The following PHIP variants were observed in gnomAD, a reference collection of about 807,000 sequenced individuals.
PHIP encodes PH-interacting protein.
Under a neutral mutation model 236.8 loss-of-function variants are expected in PHIP, and 54 were observed. That is an observed-to-expected ratio of 0.23 (90% CI 0.18 to 0.29). The LOEUF (loss-of-function observed/expected upper bound fraction) is 0.29. Among genes scored for constraint, PHIP ranks in the 10% least tolerant of loss-of-function variants. The pLI is 1.00. For synonymous variants in PHIP, 756 were observed against 718.9 expected, an observed-to-expected ratio of 1.05 and a Z score of -0.83; for missense variants, 1,370 against 2,190.8, an observed-to-expected ratio of 0.63 and a Z score of 7.48.
intron 35 of PHIP, 45 bp downstream of exon 35, chr6:78,954,769 T>A: frequency 3.2e-6 from 4 of 1,245,464 alleles, no homozygotes; most frequent in Non-Finnish European, 4.5e-6. Flanking sequence ...GTAAAAGGTA[T>A]GTAGCAAACT....
intron 27 of PHIP, among the ~76,000 whole-genome samples, chr6:78,968,489 G>A (rs899757267): frequency 6.6e-5 from 10 of 152,174 alleles, no homozygotes; most frequent in South Asian, 4.1e-4. Flanking sequence ...TTTTCACATC[G>A]GGGGGTTCCG....
At chr6:79,018,191 C>A (rs1770928174) in intron 10 of PHIP, among the ~76,000 whole-genome samples, 1 of 151,896 alleles carries the variant, frequency 6.6e-6, no homozygotes, top group East Asian at 1.9e-4. Flanking sequence ...CCACTAACCC[C>A]TTAAAAAAAT....
At chr6:78,963,016 T>A (rs189273924) in intron 30 of PHIP, 81 bp downstream of exon 30, 676 of 1,336,920 alleles carry the variant, frequency 5.1e-4, no homozygotes, top group Admixed American at 2.2e-3. Flanking sequence ...TGAAAAAAAA[T>A]TTTTGTTGGA....
chr6:78,952,171 G>T (rs987915834), intron 35 of PHIP, among the ~76,000 whole-genome samples: 2 of 152,094 alleles, frequency 1.3e-5, no homozygotes, highest in African/African-American at 4.8e-5. Context: ...TGTAATCCCA[G>T]CACTTTGGGG....
intron 17 of PHIP, among the ~76,000 whole-genome samples, chr6:79,000,173 T>C (rs778998403): frequency 3.3e-5 from 5 of 152,080 alleles, no homozygotes; most frequent in Non-Finnish European, 7.4e-5. Flanking sequence ...ATTAACCAAT[T>C]TTAGACTCAA....
intron 15 of PHIP, among the ~76,000 whole-genome samples, chr6:79,004,232 T>C (rs1770165648): frequency 6.6e-6 from 1 of 152,132 alleles, no homozygotes; most frequent in Non-Finnish European, 1.5e-5. Flanking sequence ...TACGGATTTT[T>C]TGGTAATTCT....
intron 31 of PHIP, among the ~76,000 whole-genome samples, chr6:78,959,983 G>A (rs1004151814): frequency 6.6e-6 from 1 of 152,106 alleles, no homozygotes; most frequent in South Asian, 2.1e-4. Flanking sequence ...GCAATCAACT[G>A]TACAATACAC....
chr6:79,064,315 C>T (rs952291011), intron 4 of PHIP, among the ~76,000 whole-genome samples: 1 of 152,144 alleles, frequency 6.6e-6, no homozygotes, highest in Non-Finnish European at 1.5e-5. Context: ...AAACAAAAAT[C>T]CTGCCTAACT....
chr6:78,990,357 T>TA (rs1769150052), intron 20 of PHIP, among the ~76,000 whole-genome samples: 1 of 152,210 alleles, frequency 6.6e-6, no homozygotes, highest in African/African-American at 2.4e-5. Flanking sequence ...AATTGAAATC[T>TA]ACTGGGTGCA....
chr6:79,018,180 C>A (rs193121734), intron 10 of PHIP, among the ~76,000 whole-genome samples: 2 of 151,958 alleles, frequency 1.3e-5, no homozygotes, highest in Admixed American at 1.3e-4. Context: ...AAATGATCTA[C>A]CCACTAACCC....
rs535646868 is a variant in PHIP, at chr6:78,949,696, T to TG, written c.4054-1922_4054-1921insC. Among the ~76,000 whole-genome samples, 93 of 151,684 alleles carry TG rather than the reference T, an allele frequency of 6.1e-4. 1 individual carries two copies. The South Asian group carries it at 7.7e-3, about 13-fold the overall frequency. ...TGGGACTCTTTTTTACTTTTTTTTT[T>TG]TTGTTGTTAATGAGATAGGGTCTCA... is the stretch of plus-strand genomic sequence containing the variant. On this transcript the variant is annotated intron_variant, in intron 35 of 39. Coordinates refer to ENST00000275034, the MANE Select transcript of PHIP (RefSeq NM_017934.7).
chr6:79,002,528 C>CA (rs1339780698), intron 16 of PHIP, among the ~76,000 whole-genome samples: 2 of 152,070 alleles, frequency 1.3e-5, no homozygotes, highest in Non-Finnish European at 2.9e-5. Context: ...ACTTGGGACA[C>CA]AAATCATCCC....
rs529862346 is a variant in PHIP at position 78,940,248 on chromosome 6, G to C, written c.*445C>G. The stretch of plus-strand genomic sequence containing the variant: ...CTCTGTATAACATCTATCTTTTAGG[G>C]GCATGACTTGTATCAATAGAAATGT... On this transcript the variant is annotated 3_prime_UTR_variant, in exon 40 of 40. Transcript: ENST00000275034. 3 of 151,578 alleles carry C rather than the reference G, an allele frequency of 2.0e-5. No individual in the cohort carries two copies. Among genetic ancestry groups the C allele is most frequent in the Non-Finnish European group, 4.4e-5 (3 of 67,830 alleles). The allele number at this position is 151,578 out of a possible 1,614,324, so 9.4% of individuals were successfully genotyped here.
chr6:79,024,339 T>C (rs1771278286), intron 9 of PHIP, among the ~76,000 whole-genome samples: 1 of 152,272 alleles, frequency 6.6e-6, no homozygotes, highest in Admixed American at 6.6e-5. Context: ...TCAGAGATAA[T>C]TACTGATATA....
intron 3 of PHIP, 51 bp from the exon 4 acceptor site, chr6:79,077,558 G>A (rs1174808338): frequency 4.3e-6 from 4 of 926,332 alleles, no homozygotes; most frequent in Non-Finnish European, 5.6e-6. Flanking sequence ...CTACCCGCCC[G>A]CTCCCCTCCC....
At chr6:78,986,978 C>T (rs1423203998) in intron 21 of PHIP, among the ~76,000 whole-genome samples, 2 of 152,038 alleles carry the variant, frequency 1.3e-5, no homozygotes, top group African/African-American at 2.4e-5. Context: ...ATACAAAATA[C>T]TAAAGTACAA....
chr6:78,997,102 AT>A (rs987863521), intron 19 of PHIP, among the ~76,000 whole-genome samples: 1 of 151,958 alleles, frequency 6.6e-6, no homozygotes, highest in African/African-American at 2.4e-5. Context: ...TATAAAATGT[AT>A]TTTAAGATAT....
intron 7 of PHIP, among the ~76,000 whole-genome samples, chr6:79,034,192 G>A (rs1337891228): frequency 6.6e-6 from 1 of 152,124 alleles, no homozygotes; most frequent in African/African-American, 2.4e-5. Flanking sequence ...GCTTTACTCA[G>A]GGTTTTCACA....
chr6:79,056,339 C>T (rs1773070273), intron 6 of PHIP, among the ~76,000 whole-genome samples: 2 of 152,096 alleles, frequency 1.3e-5, no homozygotes, highest in Admixed American at 1.3e-4. Flanking sequence ...ATGGCTGATT[C>T]TAAGAACTGC....
Sources: gnomAD v4.1 joint callset for allele counts (sites outside exome capture counted in the v4.1 genomes callset) on GRCh38, gnomAD v4.1.1 for gene constraint, MANE v1.5 for transcripts, NCBI Gene and HGNC (gene_info 2026-07-23, HGNC 2026-07-21) for gene names.